GRIN2A: variants seen among roughly 807,000 people sequenced by gnomAD.
GRIN2A encodes glutamate ionotropic receptor NMDA type subunit 2A.
Under a neutral mutation model 113.4 loss-of-function variants are expected in GRIN2A, and 22 were observed. That is an observed-to-expected ratio of 0.19 (90% CI 0.14 to 0.28). GRIN2A has a LOEUF of 0.28. Among genes scored for constraint, GRIN2A ranks in the 10% least tolerant of loss-of-function variants. The probability of loss-of-function intolerance (pLI) is 1.00; values close to 1 mark genes in which losing one functional copy is unlikely to be tolerated. For synonymous variants in GRIN2A, 827 were observed against 738.4 expected (o/e 1.12, Z -1.94); for missense variants, 1,502 against 1,887.0 (o/e 0.80, Z 3.78).
rs946004128 is a variant in GRIN2A at position 9,911,562 on chromosome 16, C to T, written c.1008-20462G>A. ...TCATGAGTATAAAATGAGAATTCATCGAGAGTCCTGAGCACCATCCCAATC... is the reference window on the plus strand; with the variant it reads ...TCATGAGTATAAAATGAGAATTCATTGAGAGTCCTGAGCACCATCCCAATC... On this transcript the variant is annotated intron_variant, in intron 3 of 12. Coordinates refer to ENST00000330684, the MANE Select transcript of GRIN2A (RefSeq NM_001134407.3). Among the ~76,000 whole-genome samples, 27 of 152,098 alleles carry T rather than the reference C, an allele frequency of 1.8e-4. 1 individual carries two copies. The highest frequency in any genetic ancestry group is 6.0e-4 in the African/African-American group (25 of 41,432).
At chr16:9,913,804 T>G (rs2044189852) in intron 3 of GRIN2A, among the ~76,000 whole-genome samples, 2 of 152,224 alleles carry the variant, frequency 1.3e-5, no homozygotes, top group African/African-American at 2.4e-5. Flanking sequence ...TGTTTTGCAT[T>G]CTTTGACTCA....
At chr16:10,130,998 G>A (rs1461091635) in intron 2 of GRIN2A, among the ~76,000 whole-genome samples, 4 of 152,206 alleles carry the variant, frequency 2.6e-5, no homozygotes, top group African/African-American at 7.2e-5. Context: ...GGTTCAGGAG[G>A]CAAATGAAAT....
chr16:9,796,964 A>G (rs1903030605), intron 11 of GRIN2A, among the ~76,000 whole-genome samples: 3 of 152,252 alleles, frequency 2.0e-5, no homozygotes, highest in Non-Finnish European at 4.4e-5. Context: ...ACATGTTCTC[A>G]TTTGGGAGTT....
chr16:9,812,497 G>A (rs542953378), intron 10 of GRIN2A, among the ~76,000 whole-genome samples: 2 of 152,126 alleles, frequency 1.3e-5, no homozygotes, highest in Admixed American at 6.5e-5. Context: ...AAATTAACCG[G>A]GTGTGGTGGT....
Position 9,759,383 on chromosome 16 carries a change from C to T in GRIN2A, c.*3766G>A, listed in dbSNP as rs1900484709. On this transcript the variant is annotated 3_prime_UTR_variant, in exon 13 of 13. Transcript: ENST00000330684. ...TGTGAAGGATGCAGAATATTAAATA[C>T]ACATCAGTGGTCGACATAGCAAATA... is the stretch of plus-strand genomic sequence containing the variant. 1 of 224,546 alleles carries T rather than the reference C, an allele frequency of 4.5e-6. No homozygotes were observed. The highest frequency in any genetic ancestry group is 8.9e-6 in the Non-Finnish European group (1 of 112,672). 13.9% of individuals were successfully genotyped at this position (224,546 alleles called of 1,614,324 possible).
intron 10 of GRIN2A, among the ~76,000 whole-genome samples, chr16:9,818,600 A>G (rs113017414): frequency 4.4e-4 from 67 of 152,306 alleles, no homozygotes; most frequent in African/African-American, 1.3e-3. Context: ...GAAAAAGACC[A>G]ACAAACCAAT....
At chr16:9,850,013 T>C in intron 4 of GRIN2A, 52 bp from the exon 5 acceptor site, 1 of 1,493,154 alleles carries the variant, frequency 6.7e-7, no homozygotes, top group Non-Finnish European at 9.3e-7. Flanking sequence ...CGCTGATTTC[T>C]GGAGAGGCAA....
At chr16:10,145,836 T>A (rs1437619509) in intron 2 of GRIN2A, among the ~76,000 whole-genome samples, 1 of 152,206 alleles carries the variant, frequency 6.6e-6, no homozygotes, top group Non-Finnish European at 1.5e-5. Flanking sequence ...AATAAAACTT[T>A]ATTTACAAAG....
rs1055038811 is a variant in GRIN2A at position 9,922,033 on chromosome 16, T to A, written c.1007+15926A>T. Among the ~76,000 whole-genome samples the A allele has an allele frequency of 5.9e-5, 9 of 152,094 alleles. 1 individual carries two copies. In the East Asian group the frequency reaches 1.3e-3, roughly 23 times the overall value. On this transcript the variant is annotated intron_variant, in intron 3 of 12. Coordinates refer to ENST00000330684, the MANE Select transcript of GRIN2A (RefSeq NM_001134407.3). Reference sequence around the variant, plus strand: ...CAAATTTTATAAATTATTAAAAACATAAAAAAGAGAAATTAGACTTTGATC... The same window carrying A: ...CAAATTTTATAAATTATTAAAAACAAAAAAAAGAGAAATTAGACTTTGATC...
intron 2 of GRIN2A, among the ~76,000 whole-genome samples, chr16:9,994,993 G>A (rs562518742): frequency 7.9e-5 from 12 of 152,254 alleles, no homozygotes; most frequent in African/African-American, 2.4e-4. Flanking sequence ...AGACTGACTC[G>A]GTCAAACAGA....
At chr16:10,084,088 G>C (rs760818361) in intron 2 of GRIN2A, among the ~76,000 whole-genome samples, 10 of 152,134 alleles carry the variant, frequency 6.6e-5, no homozygotes, top group Admixed American at 1.3e-4. Flanking sequence ...ACAACAGAGT[G>C]AGACCCTGTC....
At chr16:9,850,032 C>T (rs2042855971) in intron 4 of GRIN2A, 71 bp from the exon 5 acceptor site, 1 of 1,306,624 alleles carries the variant, frequency 7.7e-7, no homozygotes, top group South Asian at 1.2e-5. Context: ...AAATCCTTTC[C>T]CTGCCAGAGA....
chr16:10,002,762 C>A (rs2046342609), intron 2 of GRIN2A, among the ~76,000 whole-genome samples: 1 of 152,136 alleles, frequency 6.6e-6, no homozygotes, highest in Admixed American at 6.5e-5. Context: ...TCAAGACAAT[C>A]CAGAATTCAG....
At chr16:9,819,455 C>T (rs1314889740) in intron 10 of GRIN2A, among the ~76,000 whole-genome samples, 5 of 150,904 alleles carry the variant, frequency 3.3e-5, no homozygotes, top group African/African-American at 1.2e-4. Flanking sequence ...CAGGGAAGTC[C>T]AGGCTGCAAT....
chr16:10,077,326 T>C (rs2047891979), intron 2 of GRIN2A, among the ~76,000 whole-genome samples: 1 of 152,224 alleles, frequency 6.6e-6, no homozygotes, highest in Admixed American at 6.5e-5. Flanking sequence ...AACAGGCATC[T>C]CAAGTCTATC....
intron 2 of GRIN2A, among the ~76,000 whole-genome samples, chr16:10,133,215 G>T (rs957249592): frequency 1.3e-5 from 2 of 152,184 alleles, no homozygotes; most frequent in African/African-American, 4.8e-5. Flanking sequence ...TCTTTGAGAG[G>T]TCGTAGTTCT....
At chr16:9,882,136 G>T (rs2043493583) in intron 4 of GRIN2A, among the ~76,000 whole-genome samples, 1 of 152,052 alleles carries the variant, frequency 6.6e-6, no homozygotes, top group Non-Finnish European at 1.5e-5. Flanking sequence ...GAAACTCACT[G>T]GGCCCTGCTA....
At chr16:9,921,332 C>G (rs1383931749) in intron 3 of GRIN2A, among the ~76,000 whole-genome samples, 2 of 152,160 alleles carry the variant, frequency 1.3e-5, no homozygotes, top group African/African-American at 4.8e-5. Flanking sequence ...GATCTTTGTA[C>G]CAGCTTCGCA....
intron 12 of GRIN2A, among the ~76,000 whole-genome samples, chr16:9,768,495 G>C (rs538432678): frequency 3.3e-4 from 51 of 152,352 alleles, no homozygotes; most frequent in African/African-American, 1.2e-3. Context: ...CTCAGCAGGA[G>C]TTGAGGATGG....
Sources: gnomAD v4.1 joint callset for allele counts (sites outside exome capture counted in the v4.1 genomes callset) on GRCh38, gnomAD v4.1.1 for gene constraint, MANE v1.5 for transcripts, NCBI Gene and HGNC (gene_info 2026-07-23, HGNC 2026-07-21) for gene names.